The following MAGI2 variants were observed in gnomAD, a reference collection of about 807,000 sequenced individuals.
MAGI2 encodes membrane-associated guanylate kinase, WW and PDZ domain-containing protein 2.
MAGI2 carries 35 observed loss-of-function variants against 133.3 expected under a neutral mutation model. That is an observed-to-expected ratio of 0.26 (90% CI 0.20 to 0.35). The LOEUF (loss-of-function observed/expected upper bound fraction) is 0.35. Among genes scored for constraint, MAGI2 ranks in the 10% least tolerant of loss-of-function variants. The pLI is 1.00. For missense variants in MAGI2, 1,636 were observed against 1,863.4 expected (o/e 0.88, Z 2.25); for synonymous variants, 729 against 710.6 (o/e 1.03, Z -0.41).
At chr7:78,191,141 C>T (rs1249365330) in intron 12 of MAGI2, among the ~76,000 whole-genome samples, 1 of 151,816 alleles carries the variant, frequency 6.6e-6, no homozygotes, top group East Asian at 1.9e-4. Flanking sequence ...TTGATTAAAA[C>T]TTTTTTAGGG....
chr7:79,047,152 T>C (rs566707382), intron 1 of MAGI2, among the ~76,000 whole-genome samples: 3 of 152,274 alleles, frequency 2.0e-5, no homozygotes, highest in African/African-American at 7.2e-5. Flanking sequence ...CAGTTTTTGT[T>C]ATGACAAAGT....
chr7:78,371,607 A>C (rs1338739405), intron 6 of MAGI2, among the ~76,000 whole-genome samples: 1 of 152,022 alleles, frequency 6.6e-6, no homozygotes, highest in Non-Finnish European at 1.5e-5. Context: ...AATATATCCC[A>C]GAAGGGCAGA....
At chr7:78,451,984 G>A (rs1390908156) in intron 6 of MAGI2, among the ~76,000 whole-genome samples, 3 of 152,002 alleles carry the variant, frequency 2.0e-5, no homozygotes, top group Non-Finnish European at 2.9e-5. Flanking sequence ...TGACTTCAAG[G>A]TTTCCTTTAT....
chr7:78,411,105 C>T (rs1193675292), intron 6 of MAGI2, among the ~76,000 whole-genome samples: 2 of 151,916 alleles, frequency 1.3e-5, no homozygotes, highest in Admixed American at 6.6e-5. Context: ...GAGAATTTGG[C>T]CATTGACTCA....
In MAGI2 at chr7:78,019,633, G is replaced by A. The variant is rs1183052333; in HGVS notation, c.4050C>T (p.Pro1350=). 5.8e-6 allele frequency: 6 copies of A among 1,029,134 alleles called. No individual in the cohort carries two copies. The highest frequency in any genetic ancestry group is 7.0e-6 in the Non-Finnish European group (6 of 860,116). The allele number at this position is 1,029,134 out of a possible 1,614,324, so 63.8% of individuals were successfully genotyped here. Residue 1350 remains proline, a synonymous_variant, in exon 22 of 22, where the codon CCC becomes CCT. Coordinates refer to ENST00000354212, the MANE Select transcript of MAGI2 (RefSeq NM_012301.4). ...AGRPASEARA[P]GLAAADAADA... Reference sequence around the variant, plus strand: ...CCGCCGCGTCTGCCGCCGCGAGCCCGGGCGCCCTGGCCTCCGAGGCGGGCC... The same window carrying A: ...CCGCCGCGTCTGCCGCCGCGAGCCCAGGCGCCCTGGCCTCCGAGGCGGGCC...
At chr7:79,267,458 T>C (rs574194355) in intron 1 of MAGI2, among the ~76,000 whole-genome samples, 13 of 152,292 alleles carry the variant, frequency 8.5e-5, no homozygotes, top group African/African-American at 3.1e-4. Flanking sequence ...CTAAGTGGGC[T>C]GACTAGAAAG....
At chr7:78,954,850 T>C (rs910105912) in intron 2 of MAGI2, among the ~76,000 whole-genome samples, 1 of 152,174 alleles carries the variant, frequency 6.6e-6, no homozygotes, top group Admixed American at 6.5e-5. Context: ...GTTTTGCTTA[T>C]AATTCAGCAT....
intron 1 of MAGI2, among the ~76,000 whole-genome samples, chr7:79,331,726 C>T (rs1840083042): frequency 6.6e-6 from 1 of 152,046 alleles, no homozygotes; most frequent in East Asian, 1.9e-4. Context: ...GACAGAAGCA[C>T]GTTTTCTTCA....
At chr7:78,087,123 G>T (rs571837573) in intron 20 of MAGI2, among the ~76,000 whole-genome samples, 124 of 152,264 alleles carry the variant, frequency 8.1e-4, no homozygotes, top group African/African-American at 2.9e-3. Context: ...AGTCTGGGTT[G>T]GGTGCCTTTT....
intron 3 of MAGI2, among the ~76,000 whole-genome samples, chr7:78,554,904 C>T (rs986931038): frequency 6.6e-5 from 10 of 151,900 alleles, no homozygotes; most frequent in African/African-American, 2.2e-4. Flanking sequence ...TGGGAAGCTG[C>T]GGTGTGAGGG....
intron 3 of MAGI2, among the ~76,000 whole-genome samples, chr7:78,570,738 G>A (rs903271178): frequency 6.6e-6 from 1 of 152,100 alleles, no homozygotes; most frequent in African/African-American, 2.4e-5. Context: ...TCCAACTGAA[G>A]CATTAGCAGC....
intron 2 of MAGI2, among the ~76,000 whole-genome samples, chr7:78,796,579 G>C (rs118030158): frequency 6.6e-6 from 1 of 152,066 alleles, no homozygotes; most frequent in Admixed American, 6.6e-5. Context: ...CGGTATGGAG[G>C]TTCCTCAAAA....
intron 1 of MAGI2, among the ~76,000 whole-genome samples, chr7:79,113,940 A>G (rs1819167754): frequency 1.3e-5 from 2 of 152,112 alleles, no homozygotes; most frequent in Admixed American, 6.6e-5. Flanking sequence ...ATGGAACAGT[A>G]TATGTCTTTT....
chr7:78,929,791 G>A (rs1799974728), intron 2 of MAGI2, among the ~76,000 whole-genome samples: 1 of 151,998 alleles, frequency 6.6e-6, no homozygotes, highest in Non-Finnish European at 1.5e-5. Flanking sequence ...ATAAGATAAT[G>A]TATTCATAGC....
chr7:78,611,470 A>G (rs1434000134), intron 3 of MAGI2, among the ~76,000 whole-genome samples: 2 of 152,212 alleles, frequency 1.3e-5, no homozygotes, highest in African/African-American at 4.8e-5. Flanking sequence ...CCTCTATTAC[A>G]TACTCAAATA....
chr7:79,440,064 G>C (rs1848397723), intron 1 of MAGI2, among the ~76,000 whole-genome samples: 1 of 152,006 alleles, frequency 6.6e-6, no homozygotes, highest in Admixed American at 6.6e-5. Flanking sequence ...CTGCTTGGCA[G>C]TACTGACCAC....
intron 1 of MAGI2, among the ~76,000 whole-genome samples, chr7:79,271,362 C>T (rs1834861481): frequency 6.6e-6 from 1 of 152,032 alleles, no homozygotes; most frequent in African/African-American, 2.4e-5. Context: ...GAATGAGGCA[C>T]CATAGAACTC....
chr7:78,807,607 T>C (rs1401750669), intron 2 of MAGI2, among the ~76,000 whole-genome samples: 6 of 152,102 alleles, frequency 3.9e-5, no homozygotes, highest in Admixed American at 2.0e-4. Flanking sequence ...ATTCTGGGAG[T>C]TGAGTAGTAA....
chr7:79,364,013 G>C (rs555405963), intron 1 of MAGI2, among the ~76,000 whole-genome samples: 23 of 151,998 alleles, frequency 1.5e-4, no homozygotes, highest in Middle Eastern at 6.8e-3. Context: ...CTAATCCTCA[G>C]ACAAATGCAA....
Sources: allele counts gnomAD v4.1 joint callset (sites outside exome capture counted in the v4.1 genomes callset), GRCh38; gene constraint gnomAD v4.1.1; transcripts MANE v1.5; gene names NCBI Gene and HGNC (gene_info 2026-07-23, HGNC 2026-07-21).